Variants in CHRM3 observed in about 807,000 individuals in gnomAD.
The protein encoded by CHRM3 is cholinergic receptor muscarinic 3.
In CHRM3, 11 loss-of-function variants were observed where a neutral mutation model predicts 41.8. The ratio of observed to expected loss-of-function variants is 0.26; its 90% confidence interval spans 0.17 to 0.44. The LOEUF (loss-of-function observed/expected upper bound fraction) is 0.44, where lower values mean the gene tolerates loss of function less well. Among genes scored for constraint, CHRM3 ranks in the 20% least tolerant of loss-of-function variants. The probability of loss-of-function intolerance (pLI) is 1.00; values close to 1 mark genes in which losing one functional copy is unlikely to be tolerated. For synonymous variants in CHRM3, 297 were observed against 301.4 expected, an observed-to-expected ratio of 0.99 and a Z score of 0.15; for missense variants, 571 against 745.4, an observed-to-expected ratio of 0.77 and a Z score of 2.72.
intron 5 of CHRM3, among the ~76,000 whole-genome samples, chr1:239,680,124 C>T (rs1658422399): frequency 6.6e-6 from 1 of 152,156 alleles, no homozygotes; most frequent in South Asian, 2.1e-4. Flanking sequence ...CATCTCACCA[C>T]TCTTCTCTGA....
chr1:239,837,162 T>C (rs939433418), intron 6 of CHRM3, among the ~76,000 whole-genome samples: 3 of 152,188 alleles, frequency 2.0e-5, no homozygotes, highest in African/African-American at 7.2e-5. Context: ...GACAGAAATC[T>C]GTTGTTTCTC....
chr1:239,866,589 A>G (rs1402399197), intron 6 of CHRM3, among the ~76,000 whole-genome samples: 1 of 152,154 alleles, frequency 6.6e-6, no homozygotes, highest in East Asian at 1.9e-4. Context: ...AAGAAATACA[A>G]CAGCGCATGA....
intron 2 of CHRM3, among the ~76,000 whole-genome samples, chr1:239,501,157 T>C (rs1298949049): frequency 6.6e-6 from 1 of 152,120 alleles, no homozygotes; most frequent in Admixed American, 6.5e-5. Context: ...AGAAATGAAA[T>C]ACACAGCAAC....
intron 2 of CHRM3, among the ~76,000 whole-genome samples, chr1:239,496,066 C>T (rs7416076): frequency 6.6e-6 from 1 of 152,126 alleles, no homozygotes; most frequent in African/African-American, 2.4e-5. Context: ...GACAGTCAGT[C>T]TCTTTCATTG....
rs1412256268 is a variant in CHRM3 at position 239,911,468 on chromosome 1, G to C, written c.*2244G>C. Reference sequence around the variant, plus strand: ...AATAAATATGTGAAAGCTTATTCAAGTGTCCCAGTACTTCAGCACTTCCCA... The same window carrying C: ...AATAAATATGTGAAAGCTTATTCAACTGTCCCAGTACTTCAGCACTTCCCA... On this transcript the variant is annotated 3_prime_UTR_variant, in exon 7 of 7. Transcript: ENST00000676153. 1 of 166,410 alleles carries C rather than the reference G, an allele frequency of 6.0e-6. No individual in the cohort carries two copies. Among genetic ancestry groups the C allele is most frequent in the African/African-American group, 2.4e-5 (1 of 41,160 alleles). The allele number at this position is 166,410 out of a possible 1,614,324, so 10.3% of individuals were successfully genotyped here. A position where few individuals can be genotyped will look rare whatever the true frequency, so the allele number is the denominator to read the frequency against.
chr1:239,765,945 T>TA (rs1306698370), intron 5 of CHRM3, among the ~76,000 whole-genome samples: 1 of 151,522 alleles, frequency 6.6e-6, no homozygotes, highest in Non-Finnish European at 1.5e-5. Flanking sequence ...GCCTCCCGAG[T>TA]AGCTGGGATT....
intron 3 of CHRM3, among the ~76,000 whole-genome samples, chr1:239,630,998 G>A (rs1266851672): frequency 1.3e-5 from 2 of 151,998 alleles, no homozygotes; most frequent in South Asian, 2.1e-4. Flanking sequence ...AGAGGATCCC[G>A]TGATTGACAG....
At chr1:239,882,521 C>T (rs115971106) in intron 6 of CHRM3, among the ~76,000 whole-genome samples, 10,721 of 152,182 alleles carry the variant, frequency 0.07, 529 homozygotes, top group Non-Finnish European at 0.11. Flanking sequence ...TATCAACCTC[C>T]GTTTTACCAC....
intron 5 of CHRM3, among the ~76,000 whole-genome samples, chr1:239,709,825 A>C (rs1661582113): frequency 6.6e-6 from 1 of 152,210 alleles, no homozygotes. Context: ...ATTCTTGACA[A>C]AGCTACCTTG....
intron 5 of CHRM3, among the ~76,000 whole-genome samples, chr1:239,813,899 A>G (rs1331514406): frequency 2.7e-5 from 3 of 112,452 alleles, no homozygotes; most frequent in Non-Finnish European, 5.3e-5. Flanking sequence ...CCTGGGCGAC[A>G]GAGCGAGACT....
chr1:239,422,054 G>T (rs1193014517), intron 1 of CHRM3, among the ~76,000 whole-genome samples: 1 of 152,152 alleles, frequency 6.6e-6, no homozygotes, highest in Non-Finnish European at 1.5e-5. Context: ...GGACCTGTTA[G>T]CTGAGAGATA....
chr1:239,654,172 G>A (rs533969325), intron 4 of CHRM3, among the ~76,000 whole-genome samples: 5 of 152,062 alleles, frequency 3.3e-5, no homozygotes, highest in Non-Finnish European at 7.4e-5. Flanking sequence ...GTCTCACTAC[G>A]TTACTCAGGA....
intron 3 of CHRM3, among the ~76,000 whole-genome samples, chr1:239,630,448 T>G (rs1669688007): frequency 6.6e-6 from 1 of 152,196 alleles, no homozygotes; most frequent in Non-Finnish European, 1.5e-5. Flanking sequence ...TAAATGGAGT[T>G]AACTGAGTAC....
At chr1:239,892,060 C>CT (rs1280309986) in intron 6 of CHRM3, among the ~76,000 whole-genome samples, 2 of 152,176 alleles carry the variant, frequency 1.3e-5, no homozygotes, top group South Asian at 2.1e-4. Context: ...CTTACACACA[C>CT]TTTTGGTATT....
rs537673278 is a variant in CHRM3, at chr1:239,832,663, C to T, written c.-20+5285C>T. The stretch of plus-strand genomic sequence containing the variant: ...CTCCATAGACAGAGTAACGCATTTC[C>T]GAGAGTAAGAGGAAGAACACGTTCA... On this transcript the variant is annotated intron_variant, in intron 6 of 6. Transcript: ENST00000676153. Among the ~76,000 whole-genome samples, 19 of 151,602 alleles carry T rather than the reference C, an allele frequency of 1.3e-4. No homozygotes were observed. In the South Asian group the frequency reaches 2.3e-3, roughly 18 times the overall value.
At chr1:239,891,922 G>T (rs1026105371) in intron 6 of CHRM3, among the ~76,000 whole-genome samples, 1 of 152,176 alleles carries the variant, frequency 6.6e-6, no homozygotes, top group Non-Finnish European at 1.5e-5. Flanking sequence ...TATTAAGGGT[G>T]GGGGTATAGC....
At chr1:239,760,680 G>T (rs1666685047) in intron 5 of CHRM3, among the ~76,000 whole-genome samples, 1 of 152,146 alleles carries the variant, frequency 6.6e-6, no homozygotes, top group Admixed American at 6.5e-5. Flanking sequence ...GTTCTTTAAA[G>T]GGGCCGCTCT....
At chr1:239,532,366 G>A (rs138784551) in intron 2 of CHRM3, among the ~76,000 whole-genome samples, 5,353 of 144,646 alleles carry the variant, frequency 0.037, 141 homozygotes, top group African/African-American at 0.057. Context: ...AGTGGCTCAC[G>A]CCTGTAATCC....
At chr1:239,828,760 G>C (rs1038915685) in intron 6 of CHRM3, among the ~76,000 whole-genome samples, 1 of 152,130 alleles carries the variant, frequency 6.6e-6, no homozygotes, top group African/African-American at 2.4e-5. Context: ...TAAGAAAATG[G>C]AGGATATCAG....
Sources: gnomAD v4.1 joint callset for allele counts (sites outside exome capture counted in the v4.1 genomes callset) on GRCh38, gnomAD v4.1.1 for gene constraint, MANE v1.5 for transcripts, NCBI Gene and HGNC (gene_info 2026-07-23, HGNC 2026-07-21) for gene names.